The following ZFP62 variants were observed in gnomAD, a reference collection of about 807,000 sequenced individuals.
The protein encoded by ZFP62 is zinc finger protein 62 homolog.
Under a neutral mutation model 56.4 loss-of-function variants are expected in ZFP62, and 44 were observed. That is an observed-to-expected ratio of 0.78 (90% CI 0.61 to 1.00). The LOEUF is 1.00. Among genes scored for constraint, ZFP62 ranks in the 50% least tolerant of loss-of-function variants. The pLI is 0.00. For missense variants in ZFP62, 1,030 were observed against 1,085.7 expected, an observed-to-expected ratio of 0.95 and a Z score of 0.72; for synonymous variants, 421 against 388.9, an observed-to-expected ratio of 1.08 and a Z score of -0.97.
rs767025559 is a variant in ZFP62, at chr5:180,848,793, TAC to T, written c.2700_2701del (p.Ter901AlafsTer18). The T allele has an allele frequency of 7.2e-6, 11 of 1,522,898 alleles. No individual in the cohort carries two copies. Among genetic ancestry groups the T allele is most frequent in the East Asian group, 2.5e-5 (1 of 40,438 alleles). The allele number at this position is 1,522,898 out of a possible 1,614,324, so 94.3% of individuals were successfully genotyped here. On this transcript the variant is annotated frameshift_variant and stop_lost, in exon 2 of 2. Transcript: ENST00000502412. LOFTEE classifies it high-confidence loss of function. ...GAGAGACTTGGTAAGCTCTGCCTGC[TAC>T]AGAGGCATCCTCATCCTGCCCCCAT...
Position 180,848,967 on chromosome 5 carries a change from T to C in ZFP62, c.2528A>G (p.Asn843Ser), listed in dbSNP as rs943813461. The C allele has an allele frequency of 1.9e-6, 3 of 1,551,766 alleles. No individual in the cohort carries two copies. Among genetic ancestry groups the C allele is most frequent in the Non-Finnish European group, 2.6e-6 (3 of 1,147,020 alleles). ...IHTGKKPYRCNECGKAFNIRS... is the reference protein window; with the variant it reads ...IHTGKKPYRCSECGKAFNIRS... ...GATATTAAAAGCCTTACCACACTCA[T>C]TACATCGGTATGGCTTCTTTCCAGT... Residue 843 changes from asparagine (N) to serine (S), a missense_variant, in exon 2 of 2, where the codon AAT (asparagine) becomes AGT (serine). Physicochemically the swap from Asn to Ser is conservative, Grantham distance 46 (BLOSUM62 1). Coordinates refer to ENST00000502412, the MANE Select transcript of ZFP62 (RefSeq NM_001172638.2).
the ZFP62 span, chr5:180,830,708 C>T: frequency 6.6e-6 from 1 of 152,380 alleles, no homozygotes; most frequent in Non-Finnish European, 1.5e-5. Context: ...GGAATACTAC[C>T]TTCCAGCTGT....
chr5:180,845,533 C>T (rs1773394700), downstream of ZFP62, among the ~76,000 whole-genome samples: 1 of 152,118 alleles, frequency 6.6e-6, no homozygotes, highest in African/African-American at 2.4e-5. Flanking sequence ...TGACACTATC[C>T]AGACCTGAGA....
At chr5:180,835,911 T>C in the ZFP62 span, among the ~76,000 whole-genome samples, 14 of 152,398 alleles carry the variant, frequency 9.2e-5, no homozygotes, top group African/African-American at 3.4e-4. Flanking sequence ...AGGAGTCACA[T>C]ACCACATGAC....
downstream of ZFP62, among the ~76,000 whole-genome samples, chr5:180,847,453 T>G (rs1310852601): frequency 6.6e-6 from 1 of 152,170 alleles, no homozygotes; most frequent in East Asian, 1.9e-4. Context: ...GTGCTCCTCC[T>G]AGGGAGGCAC....
Position 180,849,701 on chromosome 5 carries a change from G to C in ZFP62, c.1794C>G (p.Phe598Leu). The C allele has an allele frequency of 6.4e-7, 1 of 1,551,672 alleles. No homozygotes were observed. The highest frequency in any genetic ancestry group is 8.7e-7 in the Non-Finnish European group (1 of 1,147,020). ...GGTTTGTAAGGGTTCGGTATGTGAT[G>C]AAGGCCTTCTCACACTCGTCACACT... ...PFKCDECEKA[F>L]ITYRTLTNHK... The change falls in exon 2 of 2, where the codon TTC (phenylalanine) becomes TTG (leucine). Residue 598 changes from phenylalanine (F) to leucine (L), a missense_variant. Transcript: ENST00000502412.
intron 1 of ZFP62, among the ~76,000 whole-genome samples, chr5:180,856,386 A>G (rs1773972368): frequency 6.6e-6 from 1 of 152,262 alleles, no homozygotes; most frequent in Non-Finnish European, 1.5e-5. Flanking sequence ...ACAGCACTAG[A>G]GTAAATGCTG....
the ZFP62 span, among the ~76,000 whole-genome samples, chr5:180,829,670 G>T: frequency 6.6e-6 from 1 of 152,170 alleles, no homozygotes; most frequent in East Asian, 1.9e-4. Context: ...CTTTAAAAAA[G>T]AAACTTTGAA....
At chr5:180,858,584 G>T (rs545273376) in intron 1 of ZFP62, among the ~76,000 whole-genome samples, 13 of 152,088 alleles carry the variant, frequency 8.5e-5, no homozygotes, top group Non-Finnish European at 1.6e-4. Flanking sequence ...CTCCAGCCTC[G>T]GTGACAGAGC....
rs978710510 is a variant in ZFP62 at position 180,848,393 on chromosome 5, A to G, written c.*399T>C. The G allele has an allele frequency of 9.0e-6, 9 of 994,828 alleles. No homozygotes were observed. The highest frequency in any genetic ancestry group is 1.1e-5 in the Non-Finnish European group (9 of 836,108). The allele number at this position is 994,828 out of a possible 1,614,324, so 61.6% of individuals were successfully genotyped here. A position where few individuals can be genotyped will look rare whatever the true frequency, so the allele number is the denominator to read the frequency against. ...CTGACCAATGTGTAATTGGGATTCA[A>G]AGCTATACCTGAATTTCCTACATTT... On this transcript the variant is annotated 3_prime_UTR_variant, in exon 2 of 2. Coordinates refer to ENST00000502412, the MANE Select transcript of ZFP62 (RefSeq NM_001172638.2).
chr5:180,850,737 T>C lies in ZFP62; in HGVS notation c.758A>G (p.Tyr253Cys), dbSNP rs1267745771. 2 of 1,607,174 alleles carry C rather than the reference T, an allele frequency of 1.2e-6. No individual in the cohort carries two copies. Among genetic ancestry groups the C allele is most frequent in the Non-Finnish European group, 1.7e-6 (2 of 1,176,630 alleles). ...HKRIHTGEKP[Y>C]ECGECGKAFR... The stretch of plus-strand genomic sequence containing the variant: ...GGCCTTCCCACACTCACCACATTCA[T>C]AGGGCTTCTCCCCAGTGTGGATCCT... The change falls in exon 2 of 2, where the codon TAT becomes TGT. Residue 253 changes from tyrosine (Y) to cysteine (C), a missense_variant. Physicochemically the swap from Tyr to Cys is radical, Grantham distance 194. Transcript: ENST00000502412.
At chr5:180,829,053 G>A in the ZFP62 span, among the ~76,000 whole-genome samples, 1 of 152,164 alleles carries the variant, frequency 6.6e-6, no homozygotes, top group East Asian at 1.9e-4. Flanking sequence ...TGGTCAGACC[G>A]GTTCTCTGCT....
chr5:180,851,218 T>C lies in ZFP62; in HGVS notation c.277A>G (p.Ser93Gly). Residue 93 changes from serine to glycine, a missense_variant, in exon 2 of 2, where the codon AGC becomes GGC. Ser to Gly is a moderately conservative substitution (Grantham distance 56). Transcript: ENST00000502412. ...TEQEGEASEK[S>G]LHLSPQHITH... ...ATATGCTGTGGGCTCAGATGCAAGCTCTTCTCAGATGCCTCACCTTCCTGT... is the reference window on the plus strand; with the variant it reads ...ATATGCTGTGGGCTCAGATGCAAGCCCTTCTCAGATGCCTCACCTTCCTGT... 1 of 1,551,684 alleles carries C rather than the reference T, an allele frequency of 6.4e-7. No individual in the cohort carries two copies. Among genetic ancestry groups the C allele is most frequent in the Non-Finnish European group, 8.7e-7 (1 of 1,146,986 alleles).
chr5:180,860,179 T>C (rs1194225546), intron 1 of ZFP62, among the ~76,000 whole-genome samples: 1 of 152,214 alleles, frequency 6.6e-6, no homozygotes, highest in Non-Finnish European at 1.5e-5. Flanking sequence ...TAACTAGTTA[T>C]ATTTGCCAGT....
the ZFP62 span, among the ~76,000 whole-genome samples, chr5:180,826,956 G>A: frequency 6.6e-6 from 1 of 152,350 alleles, no homozygotes; most frequent in South Asian, 2.1e-4. Context: ...TGTGTCATGA[G>A]AAGAGAAATG....
chr5:180,841,282 TACATATATATACATAC>T, the ZFP62 span, among the ~76,000 whole-genome samples: 1 of 142,214 alleles, frequency 7.0e-6, no homozygotes, highest in Non-Finnish European at 1.5e-5. Context: ...TATATATACA[TACATATATATACATAC>T]ACATATATAT....
At chr5:180,836,405 T>C in the ZFP62 span, among the ~76,000 whole-genome samples, 1 of 152,214 alleles carries the variant, frequency 6.6e-6, no homozygotes, top group African/African-American at 2.4e-5. Context: ...ATTCTTTTCC[T>C]TGTAGTAACA....
chr5:180,860,689 C>CAAAAAAAAAAAAAAAAAAAAAAA (rs111743384), intron 1 of ZFP62: 1 of 124,340 alleles, frequency 8.0e-6, no homozygotes, highest in African/African-American at 3.1e-5. Flanking sequence ...ACTCACCGAC[C>CAAAAAAAAAAAAAAAAAAAAAAA]AAAAAAAAAA....
At chr5:180,851,985 T>A (rs1233605146) in intron 1 of ZFP62, 1 of 985,780 alleles carries the variant, frequency 1.0e-6, no homozygotes, top group Non-Finnish European at 1.2e-6. Flanking sequence ...AAAAAATTAG[T>A]ACCTGGGGAG....
Sources: allele counts gnomAD v4.1 joint callset (sites outside exome capture counted in the v4.1 genomes callset), GRCh38; gene constraint gnomAD v4.1.1; transcripts MANE v1.5; gene names NCBI Gene and HGNC (gene_info 2026-07-23, HGNC 2026-07-21).